Variants in TTC7A observed in about 807,000 individuals in gnomAD.
TTC7A encodes tetratricopeptide repeat domain 7A.
TTC7A carries 110 observed loss-of-function variants against 103.7 expected under a neutral mutation model. The ratio of observed to expected loss-of-function variants is 1.06; its 90% confidence interval spans 0.91 to 1.24. TTC7A has a LOEUF of 1.24. TTC7A is among the 50% of genes most tolerant of loss of function. The probability of loss-of-function intolerance (pLI) is 0.00; values close to 1 mark genes in which losing one functional copy is unlikely to be tolerated. For synonymous variants in TTC7A, 521 were observed against 467.9 expected, an observed-to-expected ratio of 1.11 and a Z score of -1.47; for missense variants, 1,340 against 1,116.3, an observed-to-expected ratio of 1.20 and a Z score of -2.86.
At chr2:47,047,540 T>C (rs1682449421) in intron 16 of TTC7A, among the ~76,000 whole-genome samples, 1 of 152,210 alleles carries the variant, frequency 6.6e-6, no homozygotes. Flanking sequence ...GGGACCTGCA[T>C]TCCGATGGCC....
At chr2:47,021,223 G>C (rs1679241436) in intron 11 of TTC7A, among the ~76,000 whole-genome samples, 1 of 152,200 alleles carries the variant, frequency 6.6e-6, no homozygotes, top group Admixed American at 6.5e-5. Context: ...GCATGACAAA[G>C]GCCCCTGGCT....
At chr2:47,025,044 T>C (rs369691336) in intron 14 of TTC7A, among the ~76,000 whole-genome samples, 45 of 152,324 alleles carry the variant, frequency 3.0e-4, no homozygotes, top group African/African-American at 9.9e-4. Context: ...GGCTTGACCC[T>C]GATGCCTGCC....
intron 18 of TTC7A, among the ~76,000 whole-genome samples, chr2:47,053,001 C>T (rs1187121486): frequency 6.6e-6 from 1 of 152,186 alleles, no homozygotes; most frequent in Admixed American, 6.5e-5. Context: ...TTTCCCACTG[C>T]ATGTTCCTCA....
At chr2:46,917,543 G>C (rs188101730) in intron 2 of TTC7A, among the ~76,000 whole-genome samples, 38 of 152,312 alleles carry the variant, frequency 2.5e-4, no homozygotes. Context: ...GACAAATGAA[G>C]TGTCAAGAAG....
At chr2:46,961,989 G>C (rs946922939) in intron 3 of TTC7A, among the ~76,000 whole-genome samples, 14 of 152,138 alleles carry the variant, frequency 9.2e-5, no homozygotes, top group African/African-American at 3.4e-4. Context: ...CCACTCCCTT[G>C]GCAGAACCCT....
intron 11 of TTC7A, among the ~76,000 whole-genome samples, chr2:47,015,896 G>A (rs528098668): frequency 2.0e-5 from 3 of 152,258 alleles, no homozygotes; most frequent in African/African-American, 7.2e-5. Context: ...GAGAAAAAAA[G>A]GGGATTTTTC....
rs374356172 is a variant in TTC7A at position 47,046,402 on chromosome 2, G to A, written c.1890G>A (p.Trp630Ter). 6.2e-7 allele frequency: 1 copy of A among 1,614,058 alleles called. No individual in the cohort carries two copies. The highest frequency in any genetic ancestry group is 8.5e-7 in the Non-Finnish European group (1 of 1,180,000). Residue 630 changes from tryptophan (W) to a stop codon, truncating the protein, a stop_gained, in exon 16 of 20, where the codon TGG (tryptophan) becomes TGA (stop). Coordinates refer to ENST00000319190, the MANE Select transcript of TTC7A (RefSeq NM_020458.4). LOFTEE classifies it high-confidence loss of function. Reference sequence around the variant, plus strand: ...CCTGCAGACAAGTGCTGAGGCTGTGGCAGACCCTGTACAGCTTCTCCCAGC... The same window carrying A: ...CCTGCAGACAAGTGCTGAGGCTGTGACAGACCCTGTACAGCTTCTCCCAGC... ...LVTCRQVLRL[W>*]QTLYSFSQLG...
At position 47,021,846 on chromosome 2, in the gene TTC7A, T is replaced by C. The variant is rs891029166; in HGVS notation, c.1393-16T>C. Reference sequence around the variant, plus strand: ...TCCAACCCCACCTCCATGACCTCTGTCTCTCCTCTTTGCAGCTAGAGGAAG... The same window carrying C: ...TCCAACCCCACCTCCATGACCTCTGCCTCTCCTCTTTGCAGCTAGAGGAAG... On this transcript the variant is annotated splice_polypyrimidine_tract_variant and intron_variant, in intron 11 of 19. Coordinates refer to ENST00000319190, the MANE Select transcript of TTC7A (RefSeq NM_020458.4). The C allele has an allele frequency of 1.9e-6, 3 of 1,609,288 alleles. No homozygotes were observed. The highest frequency in any genetic ancestry group is 4.5e-5 in the East Asian group (2 of 44,842).
At chr2:46,957,152 G>C (rs1347149617) in intron 3 of TTC7A, 145 bp downstream of exon 3, 1 of 1,008,766 alleles carries the variant, frequency 9.9e-7, no homozygotes, top group Non-Finnish European at 1.5e-6. Context: ...GTGGATGCCG[G>C]TGGCAACCGG....
intron 5 of TTC7A, among the ~76,000 whole-genome samples, chr2:46,985,389 C>T (rs528551512): frequency 1.3e-5 from 2 of 152,332 alleles, no homozygotes; most frequent in South Asian, 4.1e-4. Flanking sequence ...GGCAGTTACT[C>T]AGCCCCTGTG....
In TTC7A at chr2:46,956,983, C is replaced by G. The variant is rs753987188; in HGVS notation, c.493C>G (p.Leu165Val). The change falls in exon 3 of 20, where the codon CTG (leucine) becomes GTG (valine). Residue 165 changes from leucine (L) to valine (V), a missense_variant. Coordinates refer to ENST00000319190, the MANE Select transcript of TTC7A (RefSeq NM_020458.4). Reference sequence around the variant, plus strand: ...CAAGCCCCTGTATCAGATGCGGCTGCTGTCGGAGGCTTTTGTCATCAAAGG... The same window carrying G: ...CAAGCCCCTGTATCAGATGCGGCTGGTGTCGGAGGCTTTTGTCATCAAAGG... ...ENKPLYQMRL[L>V]SEAFVIKGLS... 6.2e-6 allele frequency: 10 copies of G among 1,614,144 alleles called. No homozygotes were observed. The South Asian group carries it at 9.9e-5, about 16-fold the overall frequency.
At chr2:46,932,971 G>T (rs1253673017) in intron 2 of TTC7A, among the ~76,000 whole-genome samples, 1 of 152,100 alleles carries the variant, frequency 6.6e-6, no homozygotes, top group Non-Finnish European at 1.5e-5. Flanking sequence ...TCTCTGAGTG[G>T]CCAGACACTC....
At chr2:47,006,769 G>C (rs544505723) in intron 10 of TTC7A, 45 bp downstream of exon 10, 1 of 1,477,304 alleles carries the variant, frequency 6.8e-7, no homozygotes, top group Admixed American at 1.7e-5. Context: ...ACCCGCAGGG[G>C]GCTCTGCTGA....
intron 11 of TTC7A, among the ~76,000 whole-genome samples, chr2:47,012,169 G>T (rs111654354): frequency 5.9e-5 from 9 of 152,348 alleles, no homozygotes; most frequent in African/African-American, 2.2e-4. Flanking sequence ...GGCCTATGGG[G>T]GCTCTTGGGC....
intron 15 of TTC7A, among the ~76,000 whole-genome samples, chr2:47,033,137 T>C (rs12105384): frequency 0.02 from 3,011 of 152,342 alleles, 119 homozygotes; most frequent in African/African-American, 0.068. Context: ...CGATTGACAC[T>C]GCTCCCTGCT....
At chr2:46,937,401 A>G (rs1413896944), upstream of TTC7A, among the ~76,000 whole-genome samples, 4 of 152,116 alleles carry the variant, frequency 2.6e-5, no homozygotes, top group East Asian at 7.7e-4. The surrounding 1 kb of genome is among the most constrained non-coding windows in gnomAD (Gnocchi z 4.0). Context: ...AAAAATCTCT[A>G]TGGTGGATTT....
intron 5 of TTC7A, among the ~76,000 whole-genome samples, chr2:46,992,987 G>A (rs1038980421): frequency 6.6e-6 from 1 of 152,246 alleles, no homozygotes; most frequent in African/African-American, 2.4e-5. Context: ...GGCTGGTGTG[G>A]TCATCAAGGC....
At chr2:47,000,477 T>C (rs1676692848) in intron 8 of TTC7A, among the ~76,000 whole-genome samples, 1 of 152,198 alleles carries the variant, frequency 6.6e-6, no homozygotes, top group Non-Finnish European at 1.5e-5. Flanking sequence ...AGCTGTTTTT[T>C]CTGCTGCAGG....
chr2:46,970,307 G>C (rs1673245188), intron 3 of TTC7A, among the ~76,000 whole-genome samples: 1 of 152,224 alleles, frequency 6.6e-6, no homozygotes, highest in Admixed American at 6.5e-5. Flanking sequence ...CTTTCAAGAA[G>C]GATGGGATTT....
Sources: allele counts gnomAD v4.1 joint callset (sites outside exome capture counted in the v4.1 genomes callset), GRCh38; gene constraint gnomAD v4.1.1; non-coding constraint Gnocchi (gnomAD v3.1); transcripts MANE v1.5; gene names NCBI Gene and HGNC (gene_info 2026-07-23, HGNC 2026-07-21).